The following LRRC1 variants were observed in gnomAD, a reference collection of about 807,000 sequenced individuals.
LRRC1 encodes the protein leucine-rich repeat-containing protein 1.
LRRC1 carries 28 observed loss-of-function variants against 69.9 expected under a neutral mutation model. The ratio of observed to expected loss-of-function variants is 0.40; its 90% CI spans 0.30 to 0.55. The LOEUF is 0.55. LRRC1 is among the 20% of genes least tolerant of loss of function. The pLI is 0.47. For synonymous variants in LRRC1, 236 were observed against 240.2 expected (o/e 0.98, Z 0.16); for missense variants, 498 against 609.0 (o/e 0.82, Z 1.92).
chr6:53,809,797 AC>A (rs1562024738), intron 1 of LRRC1, among the ~76,000 whole-genome samples: 1 of 152,188 alleles, frequency 6.6e-6, no homozygotes, highest in Non-Finnish European at 1.5e-5. Flanking sequence ...AATACTCTGG[AC>A]TGCAAATAAC....
chr6:53,910,476 G>A (rs529023977), intron 10 of LRRC1, among the ~76,000 whole-genome samples: 3 of 152,236 alleles, frequency 2.0e-5, no homozygotes, highest in African/African-American at 7.2e-5. Flanking sequence ...GCGATACATC[G>A]TTAGGGAGAT....
intron 4 of LRRC1, among the ~76,000 whole-genome samples, chr6:53,890,853 G>A (rs766286263): frequency 9.2e-5 from 14 of 152,046 alleles, no homozygotes; most frequent in Non-Finnish European, 1.9e-4. Context: ...ATATTAATGG[G>A]TTTACAGTGA....
At chr6:53,819,212 G>A (rs1168460345) in intron 1 of LRRC1, among the ~76,000 whole-genome samples, 1 of 152,188 alleles carries the variant, frequency 6.6e-6, no homozygotes, top group Admixed American at 6.5e-5. Context: ...AATGATGAAG[G>A]TTAAAAATAG....
intron 1 of LRRC1, among the ~76,000 whole-genome samples, chr6:53,808,412 A>C (rs1027559433): frequency 4.6e-5 from 7 of 152,136 alleles, no homozygotes; most frequent in Admixed American, 4.6e-4. Flanking sequence ...AGTTTTTATG[A>C]GACCTAGAAT....
rs1394200433 is a variant in LRRC1, at chr6:53,831,346, T to G, written c.160-10764T>G. Among the ~76,000 whole-genome samples, 2 of 152,190 alleles carry G rather than the reference T, an allele frequency of 1.3e-5. 1 individual carries two copies. Among genetic ancestry groups the G allele is most frequent in the South Asian group, 4.1e-4 (2 of 4,828 alleles). On this transcript the variant is annotated intron_variant, in intron 1 of 13. Coordinates refer to ENST00000370888, the MANE Select transcript of LRRC1 (RefSeq NM_018214.5). ...TGTGGGATTTCAGTATGTATGCATC[T>G]GATATTTGGGTTATTTGTTCTCTTA...
intron 2 of LRRC1, among the ~76,000 whole-genome samples, chr6:53,855,938 C>T (rs941527232): frequency 6.6e-6 from 1 of 152,184 alleles, no homozygotes; most frequent in African/African-American, 2.4e-5. Context: ...AAAGAGGTCT[C>T]CTTTTTGCAG....
At position 53,795,430 on chromosome 6, in the gene LRRC1, T is replaced by C. The variant is rs937016693; in HGVS notation, c.159+15T>C. 1 of 1,604,458 alleles carries C rather than the reference T, an allele frequency of 6.2e-7. No homozygotes were observed. The highest frequency in any genetic ancestry group is 8.5e-7 in the Non-Finnish European group (1 of 1,177,504). On this transcript the variant is annotated intron_variant, in intron 1 of 13. Coordinates refer to ENST00000370888, the MANE Select transcript of LRRC1 (RefSeq NM_018214.5). ...AGCTGCCCGAGGTAAGGGTCCGGCC[T>C]CACCTGAGCGCTCTGCCCGCTCGTC...
chr6:53,809,686 TG>T (rs1241674304), intron 1 of LRRC1, among the ~76,000 whole-genome samples: 3 of 152,246 alleles, frequency 2.0e-5, no homozygotes, highest in Non-Finnish European at 2.9e-5. Context: ...AAGGTAAATC[TG>T]GTCCAAGAGA....
rs199545393 is a variant in LRRC1, at chr6:53,916,511, GT to G, written c.1106+2549del. On this transcript the variant is annotated intron_variant, in intron 11 of 13. Transcript: ENST00000370888. ...TATATAGAGCTCTCATTTTGGTGGG[GT>G]TTTTTTCCTTAAAAAAGAAAAAAAA... 3.1e-3 allele frequency among the ~76,000 whole-genome samples: 475 copies of G among 151,900 alleles called. 7 individuals are homozygous for G. The East Asian group carries it at 0.04, about 13-fold the overall frequency.
At chr6:53,872,417 AT>A in intron 2 of LRRC1, among the ~76,000 whole-genome samples, 1 of 152,142 alleles carries the variant, frequency 6.6e-6, no homozygotes, top group South Asian at 2.1e-4. Flanking sequence ...TGGGTTCTCT[AT>A]TCTATTTCAC....
At chr6:53,843,753 C>T (rs776961771) in intron 2 of LRRC1, among the ~76,000 whole-genome samples, 1 of 152,058 alleles carries the variant, frequency 6.6e-6, no homozygotes, top group Non-Finnish European at 1.5e-5. Flanking sequence ...CTCTTTTTTC[C>T]AGTGTGTCCA....
chr6:53,892,401 T>C (rs1025432385), intron 4 of LRRC1, among the ~76,000 whole-genome samples: 1 of 152,240 alleles, frequency 6.6e-6, no homozygotes, highest in Non-Finnish European at 1.5e-5. Context: ...ATCTCTGTAA[T>C]ACCATGTTTA....
intron 1 of LRRC1, among the ~76,000 whole-genome samples, chr6:53,837,590 C>T (rs138375857): frequency 3.6e-4 from 55 of 152,158 alleles, no homozygotes; most frequent in African/African-American, 1.2e-3. Flanking sequence ...AGTTGTTCTC[C>T]ATTTGAATTT....
chr6:53,915,001 G>A (rs1433600634), intron 11 of LRRC1, among the ~76,000 whole-genome samples: 1 of 152,206 alleles, frequency 6.6e-6, no homozygotes, highest in African/African-American at 2.4e-5. Context: ...GAACAAAAAT[G>A]TTAATAGTTT....
intron 3 of LRRC1, among the ~76,000 whole-genome samples, chr6:53,879,662 CA>C (rs1767208270): frequency 6.6e-6 from 1 of 152,092 alleles, no homozygotes; most frequent in Non-Finnish European, 1.5e-5. Flanking sequence ...AAACCCATAT[CA>C]ACATCACTAT....
At chr6:53,889,566 C>T (rs1234269415) in intron 4 of LRRC1, among the ~76,000 whole-genome samples, 1 of 152,074 alleles carries the variant, frequency 6.6e-6, no homozygotes, top group Non-Finnish European at 1.5e-5. Context: ...CTATGACTCA[C>T]TTTTTACAAA....
In LRRC1 at chr6:53,867,735, G is replaced by A. The variant is rs562226411; in HGVS notation, c.278-11258G>A. Among the ~76,000 whole-genome samples the A allele has an allele frequency of 6.6e-5, 10 of 152,128 alleles. No individual in the cohort carries two copies. In the South Asian group the frequency reaches 1.9e-3, roughly 28 times the overall value. On this transcript the variant is annotated intron_variant, in intron 2 of 13. Transcript: ENST00000370888. ...TTTAGGAGGCTTAGGCAGGAGGATT[G>A]CTTGAGCCCAGGAGTTTGAGACCAG...
rs763049177 is a variant in LRRC1 at position 53,795,243 on chromosome 6, C to T, written c.-14C>T. 4.4e-6 allele frequency: 7 copies of T among 1,594,136 alleles called. No homozygotes were observed. Among genetic ancestry groups the T allele is most frequent in the Non-Finnish European group, 6.0e-6 (7 of 1,173,004 alleles). ...CGCCGCTCGGGACCCGGCTAGGCGG[C>T]GGCGGGGGCGGCGATGTTCCACTGC... On this transcript the variant is annotated 5_prime_UTR_variant, in exon 1 of 14. Coordinates refer to ENST00000370888, the MANE Select transcript of LRRC1 (RefSeq NM_018214.5).
At chr6:53,848,621 C>T (rs1164490184) in intron 2 of LRRC1, among the ~76,000 whole-genome samples, 1 of 152,150 alleles carries the variant, frequency 6.6e-6, no homozygotes, top group South Asian at 2.1e-4. Flanking sequence ...AGTGATCTTC[C>T]TTCCACTTGC....
Sources: allele counts gnomAD v4.1 joint callset (sites outside exome capture counted in the v4.1 genomes callset), GRCh38; gene constraint gnomAD v4.1.1; transcripts MANE v1.5; gene names NCBI Gene and HGNC (gene_info 2026-07-23, HGNC 2026-07-21).